ELP4: variants seen among roughly 807,000 people sequenced by gnomAD.
ELP4 encodes elongator acetyltransferase complex subunit 4, also known as elongator complex protein 4.
A neutral mutation model predicts 48.9 loss-of-function variants in ELP4; 51 were observed. The observed-to-expected ratio is 1.04, with a 90% confidence interval of 0.83 to 1.32. The LOEUF (loss-of-function observed/expected upper bound fraction) is 1.32, where lower values mean the gene tolerates loss of function less well. Ranked by LOEUF, ELP4 falls within the 40% of genes most tolerant of loss-of-function variation. The pLI is 0.00. For synonymous variants in ELP4, 210 were observed against 189.2 expected (o/e 1.11, Z -0.90); for missense variants, 519 against 514.6 (o/e 1.01, Z -0.08).
At chr11:31,655,957 T>C (rs546016853) in intron 9 of ELP4, among the ~76,000 whole-genome samples, 138 of 152,190 alleles carry the variant, frequency 9.1e-4, no homozygotes, top group South Asian at 3.7e-3. Context: ...TTTGTCTTTA[T>C]ATTAATAATT....
intron 9 of ELP4, among the ~76,000 whole-genome samples, chr11:31,668,722 A>G (rs11031444): frequency 0.29 from 15,088 of 52,462 alleles, 852 homozygotes; most frequent in African/African-American, 0.32. Flanking sequence ...GTGTGTGTGT[A>G]AGAACCCTGT....
intron 3 of ELP4, among the ~76,000 whole-genome samples, chr11:31,569,073 A>G (rs1293395189): frequency 6.6e-6 from 1 of 151,788 alleles, no homozygotes; most frequent in African/African-American, 2.4e-5. Flanking sequence ...CGACAGAGTG[A>G]GACCCCATCT....
chr11:31,679,786 G>A (rs1364479754), intron 9 of ELP4, among the ~76,000 whole-genome samples: 1 of 152,100 alleles, frequency 6.6e-6, no homozygotes, highest in Non-Finnish European at 1.5e-5. Context: ...TTCCATATAA[G>A]CTTTAGAGTC....
At chr11:31,571,739 G>A (rs1242153105) in intron 3 of ELP4, among the ~76,000 whole-genome samples, 3 of 152,150 alleles carry the variant, frequency 2.0e-5, no homozygotes, top group Admixed American at 6.5e-5. Context: ...TAATCTCCTT[G>A]TACATCCTCA....
intron 9 of ELP4, among the ~76,000 whole-genome samples, chr11:31,726,470 T>C (rs1335023444): frequency 6.6e-6 from 1 of 152,204 alleles, no homozygotes; most frequent in Non-Finnish European, 1.5e-5. Flanking sequence ...TTTTGGTAAC[T>C]AATCTTACAG....
chr11:31,659,627 A>ATAATAAAACTTGAACGTATATAGT (rs1945511024), intron 9 of ELP4, among the ~76,000 whole-genome samples: 3 of 152,270 alleles, frequency 2.0e-5, no homozygotes, highest in Admixed American at 6.5e-5. Context: ...AACATTTCAA[A>ATAATAAAACTTGAACGTATATAGT]TAATAAAACT....
intron 9 of ELP4, among the ~76,000 whole-genome samples, chr11:31,686,158 G>C (rs969790855): frequency 4.6e-5 from 7 of 151,678 alleles, no homozygotes; most frequent in Non-Finnish European, 1.0e-4. Flanking sequence ...TTATATATTA[G>C]TAATCTATTA....
chr11:31,539,457 A>C (rs772462633), intron 2 of ELP4, among the ~76,000 whole-genome samples: 17 of 152,196 alleles, frequency 1.1e-4, no homozygotes, highest in Non-Finnish European at 1.9e-4. Context: ...CCGTCTCAAA[A>C]AAAAAGTGCC....
At chr11:31,693,821 C>T (rs892428994) in intron 9 of ELP4, among the ~76,000 whole-genome samples, 8 of 152,156 alleles carry the variant, frequency 5.3e-5, no homozygotes, top group Non-Finnish European at 1.0e-4. Flanking sequence ...TCTCCAGCAA[C>T]TGTTGTTTCC....
chr11:31,719,604 A>G (rs1946915928), intron 9 of ELP4: 3 of 397,226 alleles, frequency 7.6e-6, no homozygotes, highest in African/African-American at 2.1e-5. Flanking sequence ...GACAGAAGAA[A>G]AAAATGTTCT....
chr11:31,683,246 C>T lies in ELP4; in HGVS notation c.1143+33025C>T, dbSNP rs1399168289. On this transcript the variant is annotated intron_variant, in intron 9 of 9. Coordinates refer to ENST00000640961, the MANE Select transcript of ELP4 (RefSeq NM_019040.5). ...TTGTAAGTAAGCATTGAGATTTTTG[C>T]TGTGCAACTCTTTAGGAGCTTTTAT... Among the ~76,000 whole-genome samples the T allele has an allele frequency of 2.6e-5, 4 of 152,038 alleles. No individual in the cohort carries two copies. In the East Asian group the frequency reaches 7.7e-4, roughly 29 times the overall value.
chr11:31,511,218 A>C (rs1243490294), intron 1 of ELP4: 1 of 152,186 alleles, frequency 6.6e-6, no homozygotes, highest in African/African-American at 2.4e-5. Flanking sequence ...AGTGATTCAA[A>C]ATATCTAGTT....
chr11:31,563,676 G>A (rs188816485), intron 3 of ELP4, among the ~76,000 whole-genome samples: 131 of 151,930 alleles, frequency 8.6e-4, no homozygotes, highest in African/African-American at 3.1e-3. Flanking sequence ...GTTTCATTTG[G>A]CTAAAAGAGA....
rs1261802354 is a variant in ELP4, at chr11:31,784,122, G to T, written c.*598G>T. Reference sequence around the variant, plus strand: ...TCAGTGATAGGAAACATAGAAAAAAGAAGTGGATGGTCTTTAGTTTAGTAA... The same window carrying T: ...TCAGTGATAGGAAACATAGAAAAAATAAGTGGATGGTCTTTAGTTTAGTAA... On this transcript the variant is annotated 3_prime_UTR_variant, in exon 10 of 10. Coordinates refer to ENST00000640961, the MANE Select transcript of ELP4 (RefSeq NM_019040.5). The T allele has an allele frequency of 2.0e-5, 3 of 152,150 alleles. No individual in the cohort carries two copies. The highest frequency in any genetic ancestry group is 1.9e-4 in the East Asian group (1 of 5,202). The allele number at this position is 152,150 out of a possible 1,614,324, so 9.4% of individuals were successfully genotyped here.
intron 3 of ELP4, among the ~76,000 whole-genome samples, chr11:31,565,388 T>C (rs1198226247): frequency 6.7e-6 from 1 of 149,524 alleles, no homozygotes; most frequent in Middle Eastern, 3.2e-3. Context: ...TTAGATCCCA[T>C]TTGTCAATTT....
At chr11:31,591,969 A>G (rs913084543) in intron 3 of ELP4, among the ~76,000 whole-genome samples, 3 of 152,210 alleles carry the variant, frequency 2.0e-5, no homozygotes, top group Admixed American at 1.3e-4. Flanking sequence ...CATTGAAAAC[A>G]TTACTCTAAA....
chr11:31,530,342 T>G (rs1684101092), intron 2 of ELP4, among the ~76,000 whole-genome samples: 1 of 152,186 alleles, frequency 6.6e-6, no homozygotes, highest in African/African-American at 2.4e-5. Context: ...TCATTTCATA[T>G]GTACGTAACA....
intron 9 of ELP4, among the ~76,000 whole-genome samples, chr11:31,716,569 T>C (rs1946846420): frequency 1.3e-5 from 2 of 152,216 alleles, no homozygotes; most frequent in African/African-American, 4.8e-5. Context: ...GAATACTGTG[T>C]GTAGCCCATC....
At chr11:31,758,807 A>G (rs1308141885) in intron 9 of ELP4, among the ~76,000 whole-genome samples, 2 of 151,910 alleles carry the variant, frequency 1.3e-5, no homozygotes, top group Non-Finnish European at 1.5e-5. Flanking sequence ...AGCTGAGACT[A>G]CAAGTGCACA....
Sources: allele counts gnomAD v4.1 joint callset (sites outside exome capture counted in the v4.1 genomes callset), GRCh38; gene constraint gnomAD v4.1.1; transcripts MANE v1.5; gene names NCBI Gene and HGNC (gene_info 2026-07-23, HGNC 2026-07-21).